Variants in PDZD2 observed in about 807,000 individuals in gnomAD.
PDZD2 encodes PDZ domain-containing protein 2.
Under a neutral mutation model 220.7 loss-of-function variants are expected in PDZD2, and 90 were observed. The ratio of observed to expected loss-of-function variants is 0.41; its 90% CI spans 0.34 to 0.49. The LOEUF (loss-of-function observed/expected upper bound fraction) is 0.49. Among genes scored for constraint, PDZD2 ranks in the 20% least tolerant of loss-of-function variants. The pLI, the probability that PDZD2 is intolerant of heterozygous loss-of-function variation, is 0.28. For missense variants in PDZD2, 3,174 were observed against 3,608.5 expected (o/e 0.88, Z 3.08); for synonymous variants, 1,375 against 1,450.5 (o/e 0.95, Z 1.18).
rs140783309 is a variant in PDZD2, at chr5:31,798,449, G to A, written c.-360-440G>A. On this transcript the variant is annotated intron_variant, in intron 1 of 24. Coordinates refer to ENST00000438447, the MANE Select transcript of PDZD2 (RefSeq NM_178140.4). ...GTTGTCAGAACAGATTTCTGGAATG[G>A]AGAGCCTTCCTGTGTGTACAGCTGG... Among the ~76,000 whole-genome samples the A allele has an allele frequency of 4.3e-3, 656 of 152,304 alleles. 7 individuals are homozygous for A. The highest frequency in any genetic ancestry group is 0.016 in the African/African-American group (645 of 41,566).
chr5:31,760,403 A>G (rs1046918018), intron 1 of PDZD2, among the ~76,000 whole-genome samples: 3 of 152,234 alleles, frequency 2.0e-5, no homozygotes, highest in African/African-American at 7.2e-5. Flanking sequence ...TACAGTGCCA[A>G]CAGTAAGCAC....
chr5:31,916,733 C>T (rs1409441858), intron 2 of PDZD2, among the ~76,000 whole-genome samples: 2 of 152,154 alleles, frequency 1.3e-5, no homozygotes, highest in South Asian at 4.1e-4. Flanking sequence ...TACAAAACCT[C>T]CTTGCATAGC....
chr5:31,720,536 A>G lies in PDZD2; in HGVS notation c.-360-78353A>G, dbSNP rs533833997. ...GAAAAGAATACAAATTTATTTCACCATAGTTTTATGTGACACGGGAGCCTT... is the reference window on the plus strand; with the variant it reads ...GAAAAGAATACAAATTTATTTCACCGTAGTTTTATGTGACACGGGAGCCTT... On this transcript the variant is annotated intron_variant, in intron 1 of 24. Transcript: ENST00000438447. 4.6e-5 allele frequency among the ~76,000 whole-genome samples: 7 copies of G among 152,358 alleles called. No individual in the cohort carries two copies. The East Asian group carries it at 1.2e-3, about 25-fold the overall frequency.
intron 1 of PDZD2, among the ~76,000 whole-genome samples, chr5:31,651,650 G>T (rs1745353826): frequency 7.0e-6 from 1 of 142,150 alleles, no homozygotes; most frequent in African/African-American, 2.8e-5. Flanking sequence ...TTATTTTTTT[G>T]AGATAAGATC....
intron 1 of PDZD2, among the ~76,000 whole-genome samples, chr5:31,645,470 G>A (rs1233940820): frequency 6.6e-6 from 1 of 151,954 alleles, no homozygotes; most frequent in Non-Finnish European, 1.5e-5. Flanking sequence ...CTGAGTAGCT[G>A]GGACTACAGG....
At chr5:31,711,518 C>G (rs1334871119) in intron 1 of PDZD2, among the ~76,000 whole-genome samples, 6 of 152,174 alleles carry the variant, frequency 3.9e-5, no homozygotes, top group Admixed American at 3.9e-4. Context: ...GGAGCGTGTG[C>G]AAAAGAAGCA....
chr5:31,821,220 T>C (rs1315886904), intron 2 of PDZD2, among the ~76,000 whole-genome samples: 1 of 152,066 alleles, frequency 6.6e-6, no homozygotes, highest in African/African-American at 2.4e-5. Flanking sequence ...CTACCAATTT[T>C]AGTGATTACA....
Position 32,110,325 on chromosome 5 carries a change from T to C in PDZD2, c.*2190T>C, listed in dbSNP as rs1561636728. 1 of 152,648 alleles carries C rather than the reference T, an allele frequency of 6.6e-6. No homozygotes were observed. The highest frequency in any genetic ancestry group is 1.5e-5 in the Non-Finnish European group (1 of 68,040). 9.5% of individuals were successfully genotyped at this position (152,648 alleles called of 1,614,324 possible). ...GACCTCTGGCTTACCACATACACTATGCTAAAGTCATCAGCCACTGCTACT... is the reference window on the plus strand; with the variant it reads ...GACCTCTGGCTTACCACATACACTACGCTAAAGTCATCAGCCACTGCTACT... On this transcript the variant is annotated 3_prime_UTR_variant, in exon 25 of 25. Transcript: ENST00000438447.
intron 24 of PDZD2, among the ~76,000 whole-genome samples, chr5:32,104,678 C>A (rs1331224335): frequency 7.6e-6 from 1 of 131,482 alleles, no homozygotes; most frequent in Non-Finnish European, 1.5e-5. Flanking sequence ...CAGGACCACA[C>A]CACTGCACTC....
chr5:31,943,182 AAC>A (rs1310430413), intron 2 of PDZD2, among the ~76,000 whole-genome samples: 4 of 150,334 alleles, frequency 2.7e-5, no homozygotes, highest in Non-Finnish European at 5.9e-5. Context: ...CAGCCTGGGC[AAC>A]AGAGCAAGAC....
chr5:31,821,319 A>G (rs941701120), intron 2 of PDZD2, among the ~76,000 whole-genome samples: 12 of 152,036 alleles, frequency 7.9e-5, no homozygotes, highest in African/African-American at 2.4e-4. Flanking sequence ...GTAAATTACT[A>G]TCTGATTATC....
chr5:32,088,330 G>A lies in PDZD2; in HGVS notation c.4882G>A (p.Ala1628Thr). 4 of 1,614,102 alleles carry A rather than the reference G, an allele frequency of 2.5e-6. No homozygotes were observed. The highest frequency in any genetic ancestry group is 3.4e-6 in the Non-Finnish European group (4 of 1,180,046). ...PTQAAICPAS[A>T]KVLSLKYSTP... ...CCAGGCTGCCATCTGTCCTGCCTCA[G>A]CCAAAGTTCTGTCATTAAAATACAG... Residue 1628 changes from alanine (A) to threonine (T), a missense_variant, in exon 20 of 25, where the codon GCC becomes ACC. Ala to Thr is a moderately conservative substitution (Grantham distance 58). This residue lies in a region of PDZD2 where 1,861 missense variants were observed against 2,001.0 expected (regional missense o/e 0.93). Transcript: ENST00000438447. The surrounding 1 kb of genome is among the most constrained non-coding windows in gnomAD (Gnocchi z 4.6).
chr5:31,710,818 A>G (rs1214090724), intron 1 of PDZD2, among the ~76,000 whole-genome samples: 1 of 28,332 alleles, frequency 3.5e-5, no homozygotes, highest in Non-Finnish European at 7.2e-5. Flanking sequence ...CTCCGTCTTG[A>G]AAAAAAAAAA....
intron 6 of PDZD2, among the ~76,000 whole-genome samples, chr5:32,031,628 A>T (rs770405678): frequency 1.3e-5 from 2 of 152,198 alleles, no homozygotes; most frequent in Non-Finnish European, 2.9e-5. Context: ...TGAAATGTAT[A>T]TCTCTGCAGT....
At chr5:31,672,671 A>G (rs188003591) in intron 1 of PDZD2, among the ~76,000 whole-genome samples, 237 of 152,292 alleles carry the variant, frequency 1.6e-3, no homozygotes, top group Non-Finnish European at 3.0e-3. Context: ...CAGAATTTCT[A>G]AAGAGGAAAA....
chr5:32,086,941 C>A (rs245155), intron 19 of PDZD2, among the ~76,000 whole-genome samples, 190 bp from the exon 20 acceptor site: 33,451 of 150,336 alleles, frequency 0.22, 4,229 homozygotes, highest in South Asian at 0.49. Context: ...CACCCGCCTC[C>A]GCCTCCCAAA....
At position 32,108,268 on chromosome 5, in the gene PDZD2, AC is replaced by A; in HGVS notation, c.*134del. On this transcript the variant is annotated 3_prime_UTR_variant, in exon 25 of 25. Coordinates refer to ENST00000438447, the MANE Select transcript of PDZD2 (RefSeq NM_178140.4). ...TATAAAAATCTCCAAGCTTGTGCTT[AC>A]ACATGAAGCCTGACTTAACTGTATG... 2 of 577,896 alleles carry A rather than the reference AC, an allele frequency of 3.5e-6. No individual in the cohort carries two copies. Among genetic ancestry groups the A allele is most frequent in the Non-Finnish European group, 5.9e-6 (2 of 339,722 alleles). The allele number at this position is 577,896 out of a possible 1,614,324, so 35.8% of individuals were successfully genotyped here.
At chr5:31,965,125 C>G (rs1193320374) in intron 2 of PDZD2, among the ~76,000 whole-genome samples, 1 of 152,172 alleles carries the variant, frequency 6.6e-6, no homozygotes, top group South Asian at 2.1e-4. Context: ...TAAAACGACA[C>G]GGACACACGT....
At chr5:31,714,503 G>A (rs531042897) in intron 1 of PDZD2, among the ~76,000 whole-genome samples, 3 of 152,278 alleles carry the variant, frequency 2.0e-5, no homozygotes, top group African/African-American at 7.2e-5. Context: ...TATGGGAATG[G>A]GAACAGGTGA....
Sources: allele counts gnomAD v4.1 joint callset (sites outside exome capture counted in the v4.1 genomes callset), GRCh38; gene constraint gnomAD v4.1.1; regional missense constraint gnomAD v4.1.1; non-coding constraint Gnocchi (gnomAD v3.1); transcripts MANE v1.5; gene names NCBI Gene and HGNC (gene_info 2026-07-23, HGNC 2026-07-21).